The following SPPL3 variants were observed in gnomAD, a reference collection of about 807,000 sequenced individuals.
SPPL3 encodes signal peptide peptidase-like 3.
In SPPL3, 5 loss-of-function variants were observed where a neutral mutation model predicts 42.4. That is an observed-to-expected ratio of 0.12 (90% CI 0.06 to 0.25). The LOEUF (loss-of-function observed/expected upper bound fraction) is 0.25, where lower values mean the gene tolerates loss of function less well. SPPL3 is among the 10% of genes least tolerant of loss of function. SPPL3 has a pLI of 1.00. For synonymous variants in SPPL3, 195 were observed against 181.8 expected, an observed-to-expected ratio of 1.07 and a Z score of -0.58; for missense variants, 235 against 489.0, an observed-to-expected ratio of 0.48 and a Z score of 4.90.
chr12:120,899,512 ACT>A (rs1367849800), intron 1 of SPPL3, among the ~76,000 whole-genome samples: 2 of 151,944 alleles, frequency 1.3e-5, no homozygotes, highest in Non-Finnish European at 2.9e-5. Flanking sequence ...TATGGTCCTT[ACT>A]CTCAAGGAGT....
chr12:120,898,544 T>G (rs1180085277), intron 1 of SPPL3, among the ~76,000 whole-genome samples: 2 of 152,028 alleles, frequency 1.3e-5, no homozygotes, highest in African/African-American at 4.8e-5. Context: ...CCCATACTTT[T>G]AAGCAGAGAA....
At chr12:120,878,236 T>G (rs550145134) in intron 1 of SPPL3, among the ~76,000 whole-genome samples, 1 of 152,186 alleles carries the variant, frequency 6.6e-6, no homozygotes, top group South Asian at 2.1e-4. Context: ...AAAAACTTGG[T>G]CAGTTGCAGA....
Position 120,768,472 on chromosome 12 carries a change from T to C in SPPL3, c.626A>G (p.Tyr209Cys), listed in dbSNP as rs749517926. The C allele has an allele frequency of 1.9e-6, 3 of 1,613,506 alleles. No individual in the cohort carries two copies. Among genetic ancestry groups the C allele is most frequent in the Non-Finnish European group, 1.7e-6 (2 of 1,179,592 alleles). Residue 209 changes from tyrosine to cysteine, a missense_variant, in exon 8 of 11, where the codon TAC becomes TGC. Coordinates refer to ENST00000353487, the MANE Select transcript of SPPL3 (RefSeq NM_139015.5). ...YDVFWVFFSAYIFNSNVMVKV... is the reference protein window; with the variant it reads ...YDVFWVFFSACIFNSNVMVKV... ...CACCATGACGTTGCTATTGAAGATG[T>C]AGGCTGAGAAAAATACCTGCCGAGT...
chr12:120,851,174 A>G (rs773359495), intron 1 of SPPL3, among the ~76,000 whole-genome samples: 4 of 152,188 alleles, frequency 2.6e-5, no homozygotes, highest in Non-Finnish European at 4.4e-5. Flanking sequence ...GCGAGTCTAG[A>G]AACTTCATTG....
At chr12:120,830,616 T>G (rs1871397625) in intron 1 of SPPL3, among the ~76,000 whole-genome samples, 2 of 77,546 alleles carry the variant, frequency 2.6e-5, no homozygotes, top group Admixed American at 1.6e-4. Context: ...AAGGTGTACA[T>G]GCATATGTTG....
At chr12:120,806,232 A>G (rs1051463572) in intron 2 of SPPL3, among the ~76,000 whole-genome samples, 1 of 144,926 alleles carries the variant, frequency 6.9e-6, no homozygotes, top group Non-Finnish European at 1.5e-5. Context: ...GGGTCTTGCT[A>G]TGTCACCCTG....
Position 120,888,116 on chromosome 12 carries a change from C to T in SPPL3, c.23+15729G>A, listed in dbSNP as rs140017091. ...TTTTAGACAGAGTCTTGCTCTGTTG[C>T]CCAGGCTGGAGTGCAGTGGCACCAT... On this transcript the variant is annotated intron_variant, in intron 1 of 10. Coordinates refer to ENST00000353487, the MANE Select transcript of SPPL3 (RefSeq NM_139015.5). Among the ~76,000 whole-genome samples, 594 of 152,270 alleles carry T rather than the reference C, an allele frequency of 3.9e-3. 1 individual carries two copies. Among genetic ancestry groups the T allele is most frequent in the Non-Finnish European group, 5.6e-3 (378 of 68,030 alleles).
intron 2 of SPPL3, 57 bp from the exon 3 acceptor site, chr12:120,791,614 A>G: frequency 3.5e-6 from 4 of 1,155,294 alleles, no homozygotes; most frequent in Non-Finnish European, 5.1e-6. Flanking sequence ...GAAGGTCAGA[A>G]AAGTCATATG....
intron 2 of SPPL3, among the ~76,000 whole-genome samples, chr12:120,797,091 C>T (rs957718256): frequency 2.6e-5 from 4 of 152,072 alleles, no homozygotes; most frequent in Non-Finnish European, 5.9e-5. Flanking sequence ...TTCTTGAACC[C>T]GGGAGGTGGA....
Position 120,768,596 on chromosome 12 carries a change from A to G in SPPL3, c.610-108T>C, listed in dbSNP as rs547994303. The G allele has an allele frequency of 1.3e-4, 159 of 1,249,868 alleles. 1 individual carries two copies. The South Asian group carries it at 2.2e-3, about 17-fold the overall frequency. 77.4% of individuals were successfully genotyped at this position (1,249,868 alleles called of 1,614,324 possible). On this transcript the variant is annotated intron_variant, in intron 7 of 10. Transcript: ENST00000353487. ...AGAGTCTCAGAATGCTGTGACTGCA[A>G]TGCTTTCGTTGACTGTATGATTTGA...
chr12:120,795,550 A>G (rs1447500936), intron 2 of SPPL3, among the ~76,000 whole-genome samples: 2 of 152,110 alleles, frequency 1.3e-5, no homozygotes, highest in African/African-American at 4.8e-5. Flanking sequence ...CTACCGTTAC[A>G]TTGACTTTTC....
chr12:120,784,158 C>G (rs1869635499), intron 4 of SPPL3: 1 of 250,386 alleles, frequency 4.0e-6, no homozygotes, highest in Non-Finnish European at 7.7e-6. Flanking sequence ...ATGCCAAGCT[C>G]AACCTTCTGG....
intron 1 of SPPL3, among the ~76,000 whole-genome samples, chr12:120,891,818 G>C (rs942635256): frequency 4.7e-5 from 7 of 150,496 alleles, no homozygotes; most frequent in African/African-American, 1.7e-4. Context: ...ATAAATGGCT[G>C]TTTGGGAAAT....
chr12:120,852,794 T>TA lies in SPPL3; in HGVS notation c.24-41909_24-41908insT, dbSNP rs1491392214. 5.1e-3 allele frequency among the ~76,000 whole-genome samples: 59 copies of TA among 11,474 alleles called. 4 individuals carry two copies. The highest frequency in any genetic ancestry group is 0.028 in the Non-Finnish European group (53 of 1,870). The allele number at this position is 11,474 out of a possible 152,430, so 7.5% of individuals were successfully genotyped here. ...TTATATATAAAATATATTTCATATATCATATATACATATATGAAATATATA... is the reference window on the plus strand; with the variant it reads ...TTATATATAAAATATATTTCATATATACATATATACATATATGAAATATATA... On this transcript the variant is annotated intron_variant, in intron 1 of 10. Transcript: ENST00000353487.
intron 1 of SPPL3, among the ~76,000 whole-genome samples, chr12:120,868,695 T>C (rs1010663869): frequency 1.3e-5 from 2 of 152,160 alleles, no homozygotes; most frequent in South Asian, 2.1e-4. Flanking sequence ...TTGGCTAGGA[T>C]GGTCTCAATC....
chr12:120,785,940 T>C (rs1031347626), intron 3 of SPPL3, among the ~76,000 whole-genome samples: 75 of 135,352 alleles, frequency 5.5e-4, no homozygotes, highest in African/African-American at 2.1e-3. Flanking sequence ...AAAGGAAAGG[T>C]CTCTTCATTA....
intron 1 of SPPL3, among the ~76,000 whole-genome samples, chr12:120,848,034 C>G (rs1022178155): frequency 2.0e-5 from 3 of 152,152 alleles, no homozygotes; most frequent in African/African-American, 7.2e-5. Flanking sequence ...AAAATCTAGT[C>G]TTGTTCATCA....
intron 1 of SPPL3, among the ~76,000 whole-genome samples, chr12:120,888,372 G>A (rs535719846): frequency 6.6e-6 from 1 of 152,236 alleles, no homozygotes; most frequent in Non-Finnish European, 1.5e-5. Flanking sequence ...CACCACACCT[G>A]GCCCCACATT....
At chr12:120,869,597 C>T (rs1872859745) in intron 1 of SPPL3, among the ~76,000 whole-genome samples, 1 of 152,218 alleles carries the variant, frequency 6.6e-6, no homozygotes, top group Non-Finnish European at 1.5e-5. Flanking sequence ...GGTATTACCA[C>T]AGCTGAGAAC....
Sources: allele counts gnomAD v4.1 joint callset (sites outside exome capture counted in the v4.1 genomes callset), GRCh38; gene constraint gnomAD v4.1.1; transcripts MANE v1.5; gene names NCBI Gene and HGNC (gene_info 2026-07-23, HGNC 2026-07-21).